ST3GAL1: variants seen among roughly 807,000 people sequenced by gnomAD.
ST3GAL1 encodes the protein CMP-N-acetylneuraminate-beta-galactosamide-alpha-2,3-sialyltransferase 1.
A neutral mutation model predicts 34.1 loss-of-function variants in ST3GAL1; 16 were observed. That is an observed-to-expected ratio of 0.47 (90% CI 0.32 to 0.71). The LOEUF (loss-of-function observed/expected upper bound fraction) is 0.71. ST3GAL1 is among the 30% of genes least tolerant of loss of function. The probability of loss-of-function intolerance (pLI) is 0.04; values close to 1 mark genes in which losing one functional copy is unlikely to be tolerated. For synonymous variants in ST3GAL1, 191 were observed against 184.7 expected (o/e 1.03, Z -0.28); for missense variants, 353 against 447.4 (o/e 0.79, Z 1.90).
intron 1 of ST3GAL1, among the ~76,000 whole-genome samples, chr8:133,555,851 C>A (rs545648990): frequency 1.4e-4 from 21 of 151,584 alleles, no homozygotes; most frequent in Admixed American, 8.6e-4. Context: ...CTGTTCCCAA[C>A]CTACCCATTT....
chr8:133,459,272 C>G lies in ST3GAL1; in HGVS notation c.*492G>C, dbSNP rs1248575766. 3 of 152,520 alleles carry G rather than the reference C, an allele frequency of 2.0e-5. No individual in the cohort carries two copies. Among genetic ancestry groups the G allele is most frequent in the African/African-American group, 7.2e-5 (3 of 41,464 alleles). 9.4% of individuals were successfully genotyped at this position (152,520 alleles called of 1,614,324 possible). On this transcript the variant is annotated 3_prime_UTR_variant, in exon 10 of 10. Transcript: ENST00000522652. The surrounding 1 kb of genome is among the most constrained non-coding windows in gnomAD (Gnocchi z 4.7). ...AGCTTTGGGAAGATGACAGGGTTAT[C>G]ACGCCAAGCAAGAGGCCAGGCTTCG...
At chr8:133,499,624 G>C (rs1817082917) in intron 2 of ST3GAL1, among the ~76,000 whole-genome samples, 2 of 152,156 alleles carry the variant, frequency 1.3e-5, no homozygotes, top group African/African-American at 4.8e-5. Context: ...AAAGTGAGAG[G>C]ATGGCACATC....
chr8:133,540,742 TAGAC>T (rs1818445390), intron 2 of ST3GAL1, among the ~76,000 whole-genome samples: 3 of 90,912 alleles, frequency 3.3e-5, no homozygotes, highest in Admixed American at 1.1e-4. Context: ...TATATATATA[TAGAC>T]ATATATATAT....
At chr8:133,477,535 G>A (rs1293056166) in intron 3 of ST3GAL1, among the ~76,000 whole-genome samples, 2 of 152,002 alleles carry the variant, frequency 1.3e-5, no homozygotes, top group Non-Finnish European at 2.9e-5. Flanking sequence ...GAGGGGTTGG[G>A]GGACCAGGAA....
chr8:133,484,196 T>C (rs535791771), intron 3 of ST3GAL1, among the ~76,000 whole-genome samples: 1 of 152,306 alleles, frequency 6.6e-6, no homozygotes, highest in South Asian at 2.1e-4. Context: ...TTCCTAAATT[T>C]CCGACCTCCT....
chr8:133,461,772 G>T lies in ST3GAL1; in HGVS notation c.849+103C>A, dbSNP rs955296059. 2.0e-5 allele frequency: 30 copies of T among 1,507,624 alleles called. No individual in the cohort carries two copies. In the African/African-American group the frequency reaches 4.0e-4, roughly 20 times the overall value. 93.4% of individuals were successfully genotyped at this position (1,507,624 alleles called of 1,614,324 possible). A position where few individuals can be genotyped will look rare whatever the true frequency, so the allele number is the denominator to read the frequency against. ...AGACAGGGAATCCGAGCTTCCGGAA[G>T]AGGCAGGCTAGGTCTACCTGCCCTC... On this transcript the variant is annotated intron_variant, in intron 9 of 9. Transcript: ENST00000522652. The surrounding 1 kb of genome is among the most constrained non-coding windows in gnomAD (Gnocchi z 4.7).
intron 2 of ST3GAL1, among the ~76,000 whole-genome samples, chr8:133,541,112 T>TAGAGAGAGAGAGAGAGAGAGAG (rs1438213053): frequency 2.5e-5 from 1 of 40,728 alleles, no homozygotes; most frequent in Non-Finnish European, 4.6e-5. Context: ...TATATATATA[T>TAGAGAGAGAGAGAGAGAGAGAG]ATATATATAG....
Position 133,467,945 on chromosome 8 carries a change from A to T in ST3GAL1, c.307-1855T>A, listed in dbSNP as rs1815804215. Among the ~76,000 whole-genome samples the T allele has an allele frequency of 6.6e-6, 1 of 152,234 alleles. No individual in the cohort carries two copies. ...GACCACACTTCACACCCACTGCTACAGTTATCATAAGTAAAAGGGCAAAAC... is the reference window on the plus strand; with the variant it reads ...GACCACACTTCACACCCACTGCTACTGTTATCATAAGTAAAAGGGCAAAAC... On this transcript the variant is annotated intron_variant, in intron 5 of 9. Coordinates refer to ENST00000522652, the MANE Select transcript of ST3GAL1 (RefSeq NM_173344.3). This position sits in a 1 kb window ranked among gnomAD's most constrained non-coding sequence, Gnocchi z 4.2.
Position 133,476,065 on chromosome 8 carries a change from G to C in ST3GAL1, c.-41C>G. ...GGTGGCCTCCCACGATGGGTAGCAG[G>C]AACTCCCTCCTAAGAGAGGAGAAAA... is the stretch of plus-strand genomic sequence containing the variant. On this transcript the variant is annotated 5_prime_UTR_variant, in exon 5 of 10. Transcript: ENST00000522652. The C allele has an allele frequency of 2.6e-6, 4 of 1,524,686 alleles. No homozygotes were observed. The highest frequency in any genetic ancestry group is 3.5e-6 in the Non-Finnish European group (4 of 1,135,466). 94.4% of individuals were successfully genotyped at this position (1,524,686 alleles called of 1,614,324 possible).
chr8:133,504,031 G>T (rs1817261005), intron 2 of ST3GAL1, among the ~76,000 whole-genome samples: 4 of 152,200 alleles, frequency 2.6e-5, no homozygotes, highest in Non-Finnish European at 5.9e-5. Flanking sequence ...AGGAGGCTGG[G>T]AGGAGCAGAA....
At chr8:133,463,714 TGAG>T (rs1398666453) in intron 7 of ST3GAL1, among the ~76,000 whole-genome samples, 3 of 152,112 alleles carry the variant, frequency 2.0e-5, no homozygotes, top group African/African-American at 4.8e-5. Context: ...CCCAAAAAGG[TGAG>T]GAGGACTTGC....
intron 1 of ST3GAL1, among the ~76,000 whole-genome samples, chr8:133,549,451 A>G (rs1818770621): frequency 6.6e-6 from 1 of 152,096 alleles, no homozygotes. Context: ...CAGATTAAAC[A>G]TGGAGCCCTG....
chr8:133,553,758 A>G (rs911499952), intron 1 of ST3GAL1, among the ~76,000 whole-genome samples: 4 of 152,226 alleles, frequency 2.6e-5, no homozygotes, highest in African/African-American at 9.6e-5. Context: ...AGGATCATGC[A>G]GTGAAAAGGT....
At chr8:133,503,307 C>T (rs1367814270) in intron 2 of ST3GAL1, among the ~76,000 whole-genome samples, 1 of 152,216 alleles carries the variant, frequency 6.6e-6, no homozygotes, top group African/African-American at 2.4e-5. Flanking sequence ...CACTCAGGCT[C>T]TGCCATTTTG....
intron 1 of ST3GAL1, among the ~76,000 whole-genome samples, chr8:133,559,375 T>G (rs2978062): frequency 0.13 from 19,266 of 152,220 alleles, 1,534 homozygotes; most frequent in Middle Eastern, 0.25. Flanking sequence ...TTGGAACCAG[T>G]TCTTCAACCC....
chr8:133,474,036 C>G (rs1816066605), intron 5 of ST3GAL1, among the ~76,000 whole-genome samples: 1 of 152,240 alleles, frequency 6.6e-6, no homozygotes, highest in South Asian at 2.1e-4. Context: ...CACAGATTAG[C>G]AAACCAGGAC....
chr8:133,559,045 G>GTGTGTA (rs1819141951), intron 1 of ST3GAL1, among the ~76,000 whole-genome samples: 1 of 151,742 alleles, frequency 6.6e-6, no homozygotes, highest in African/African-American at 2.4e-5. Context: ...TTGTGTGTGT[G>GTGTGTA]TGTGTGTGTG....
At chr8:133,561,277 A>C (rs1371324391) in intron 1 of ST3GAL1, among the ~76,000 whole-genome samples, 1 of 152,078 alleles carries the variant, frequency 6.6e-6, no homozygotes, top group East Asian at 1.9e-4. Context: ...CTCTGCAAGA[A>C]AAGGATTTAC....
intron 2 of ST3GAL1, among the ~76,000 whole-genome samples, chr8:133,533,863 G>A (rs973981995): frequency 1.3e-5 from 2 of 152,226 alleles, no homozygotes; most frequent in African/African-American, 4.8e-5. Context: ...GGTGGTGTTT[G>A]TGATAATGAT....
Sources: allele counts gnomAD v4.1 joint callset (sites outside exome capture counted in the v4.1 genomes callset), GRCh38; gene constraint gnomAD v4.1.1; non-coding constraint Gnocchi (gnomAD v3.1); transcripts MANE v1.5; gene names NCBI Gene and HGNC (gene_info 2026-07-23, HGNC 2026-07-21).